The following KIF13B variants were observed in gnomAD, a reference collection of about 807,000 sequenced individuals.
KIF13B encodes kinesin-like protein KIF13B.
KIF13B carries 127 observed loss-of-function variants against 222.0 expected under a neutral mutation model. The ratio of observed to expected loss-of-function variants is 0.57; its 90% CI spans 0.50 to 0.66. KIF13B has a LOEUF of 0.66. KIF13B is among the 30% of genes least tolerant of loss of function. KIF13B has a pLI of 0.00. For synonymous variants in KIF13B, 976 were observed against 919.0 expected, an observed-to-expected ratio of 1.06 and a Z score of -1.12; for missense variants, 2,173 against 2,379.0, an observed-to-expected ratio of 0.91 and a Z score of 1.80.
chr8:29,153,826 G>C (rs557308812), intron 14 of KIF13B, among the ~76,000 whole-genome samples: 1 of 152,268 alleles, frequency 6.6e-6, no homozygotes, highest in South Asian at 2.1e-4. Context: ...TCCAAGCCCA[G>C]CTGGGTTTCT....
intron 12 of KIF13B, among the ~76,000 whole-genome samples, chr8:29,165,272 A>G (rs567130956): frequency 1.0e-3 from 155 of 152,300 alleles, no homozygotes; most frequent in African/African-American, 3.2e-3. Flanking sequence ...TCATGGCCTA[A>G]TATCTATTAG....
chr8:29,076,231 CT>C (rs577474292), intron 37 of KIF13B, among the ~76,000 whole-genome samples: 2 of 152,310 alleles, frequency 1.3e-5, no homozygotes, highest in South Asian at 4.1e-4. Flanking sequence ...ACTTCTGCCC[CT>C]CCCCCTCCCC....
chr8:29,116,398 G>A (rs548844210), intron 31 of KIF13B, among the ~76,000 whole-genome samples: 52 of 152,218 alleles, frequency 3.4e-4, no homozygotes, highest in African/African-American at 1.0e-3. Flanking sequence ...GAGCCCAGGA[G>A]ACGATGGCTG....
At chr8:29,150,579 C>T (rs1811253524) in intron 14 of KIF13B, among the ~76,000 whole-genome samples, 196 bp from the exon 15 acceptor site, 1 of 152,214 alleles carries the variant, frequency 6.6e-6, no homozygotes, top group South Asian at 2.1e-4. Flanking sequence ...AAAGCACAGG[C>T]ACATCTCATT....
At chr8:29,161,302 G>A (rs1811763758) in intron 12 of KIF13B, among the ~76,000 whole-genome samples, 1 of 152,146 alleles carries the variant, frequency 6.6e-6, no homozygotes, top group Admixed American at 6.5e-5. Context: ...CCTCAGTAAG[G>A]ATCACAAGGC....
At chr8:29,203,141 C>T (rs992317523) in intron 2 of KIF13B, among the ~76,000 whole-genome samples, 6 of 152,176 alleles carry the variant, frequency 3.9e-5, no homozygotes, top group African/African-American at 1.2e-4. Context: ...AGTGTTCTTC[C>T]TTTACGGGAA....
chr8:29,155,361 G>A (rs1050703345), intron 14 of KIF13B, among the ~76,000 whole-genome samples: 4 of 152,322 alleles, frequency 2.6e-5, no homozygotes, highest in African/African-American at 7.2e-5. Context: ...ACAGGAGTTA[G>A]CAGGTCAAAG....
chr8:29,071,748 A>G lies in KIF13B; in HGVS notation c.5090T>C (p.Val1697Ala), dbSNP rs1355703270. ...CTCGCCCTCTCGGAGCCACTCCGGGACCTCGTCAGCTTCCTCGGAATCAGA... is the reference window on the plus strand; with the variant it reads ...CTCGCCCTCTCGGAGCCACTCCGGGGCCTCGTCAGCTTCCTCGGAATCAGA... ...LASDSEEADE[V>A]PEWLREGEFV... Residue 1697 changes from valine (V) to alanine (A), a missense_variant, in exon 39 of 40, where the codon GTC becomes GCC. Val to Ala is a moderately conservative substitution (Grantham distance 64). This residue lies in a region of KIF13B where 693 missense variants were observed against 656.2 expected (regional missense o/e 1.06). Coordinates refer to ENST00000524189, the MANE Select transcript of KIF13B (RefSeq NM_015254.4). The surrounding 1 kb of genome is among the most constrained non-coding windows in gnomAD (Gnocchi z 4.9). 1.3e-6 allele frequency: 2 copies of G among 1,549,348 alleles called. No individual in the cohort carries two copies. The highest frequency in any genetic ancestry group is 2.4e-5 in the East Asian group (1 of 40,868).
chr8:29,140,132 G>A lies in KIF13B; in HGVS notation c.2544C>T (p.Ile848=), dbSNP rs376373479. ...MRLSGDVGER[I]AGGDEVAEVS... ...CCTCTGCCACCTCATCGCCTCCTGCGATCCTCTCCCCAACATCACCACTGA... is the reference window on the plus strand; with the variant it reads ...CCTCTGCCACCTCATCGCCTCCTGCAATCCTCTCCCCAACATCACCACTGA... Residue 848 remains isoleucine (I), a synonymous_variant, in exon 21 of 40, where the codon ATC becomes ATT. Coordinates refer to ENST00000524189, the MANE Select transcript of KIF13B (RefSeq NM_015254.4). 1.7e-4 allele frequency: 268 copies of A among 1,613,404 alleles called. No individual in the cohort carries two copies. Among genetic ancestry groups the A allele is most frequent in the African/African-American group, 2.5e-4 (19 of 75,002 alleles).
chr8:29,188,893 A>G (rs1477313011), intron 4 of KIF13B, among the ~76,000 whole-genome samples: 1 of 152,228 alleles, frequency 6.6e-6, no homozygotes. Flanking sequence ...ATCAATGATT[A>G]TAAATATCTG....
At chr8:29,212,355 C>T (rs1206040224) in intron 2 of KIF13B, among the ~76,000 whole-genome samples, 1 of 152,220 alleles carries the variant, frequency 6.6e-6, no homozygotes, top group Non-Finnish European at 1.5e-5. Context: ...TCTTCACCAA[C>T]ACCCAGTGCA....
rs1207905804 is a variant in KIF13B at position 29,146,239 on chromosome 8, C to G, written c.2187+139G>C. 4.9e-6 allele frequency: 4 copies of G among 821,026 alleles called. No individual in the cohort carries two copies. In the East Asian group the frequency reaches 1.0e-4, roughly 21 times the overall value. 50.9% of individuals were successfully genotyped at this position (821,026 alleles called of 1,614,324 possible). On this transcript the variant is annotated intron_variant, in intron 18 of 39. Transcript: ENST00000524189. ...TAGAGAATGGAAAAGGAAGTCAATT[C>G]TACCCAAAAGCATGGAGGACAAAGG...
At chr8:29,131,902 T>C (rs1407539793) in intron 23 of KIF13B, among the ~76,000 whole-genome samples, 2 of 152,156 alleles carry the variant, frequency 1.3e-5, no homozygotes, top group African/African-American at 4.8e-5. Context: ...GCTCAGAAAA[T>C]AGTAACCTCT....
intron 17 of KIF13B, among the ~76,000 whole-genome samples, chr8:29,147,142 C>T (rs1811092403): frequency 6.6e-6 from 1 of 152,176 alleles, no homozygotes; most frequent in South Asian, 2.1e-4. Flanking sequence ...ACTTCTATAT[C>T]CAAATCCAAA....
chr8:29,085,563 G>T (rs1374829199), intron 37 of KIF13B, among the ~76,000 whole-genome samples: 1 of 151,416 alleles, frequency 6.6e-6, no homozygotes, highest in African/African-American at 2.4e-5. Flanking sequence ...TAGAGACAGG[G>T]GTCTTGTTAT....
At chr8:29,211,227 A>G (rs1483775798) in intron 2 of KIF13B, among the ~76,000 whole-genome samples, 1 of 152,256 alleles carries the variant, frequency 6.6e-6, no homozygotes, top group African/African-American at 2.4e-5. Context: ...CATGGGCATC[A>G]GACAAGGCAT....
intron 4 of KIF13B, chr8:29,189,312 A>T (rs1160585081): frequency 6.6e-6 from 1 of 150,864 alleles, no homozygotes; most frequent in African/African-American, 2.4e-5. Context: ...ATACCAGTTA[A>T]CTTATACTTC....
At chr8:29,228,472 A>AAAAAAAAAAAAAAATATATATATATAT in intron 2 of KIF13B, among the ~76,000 whole-genome samples, 19 of 117,074 alleles carry the variant, frequency 1.6e-4, no homozygotes, top group South Asian at 5.7e-4. Context: ...ATCTTAAAAA[A>AAAAAAAAAAAAAAATATATATATATAT]ATATATATAT....
In KIF13B at chr8:29,070,716, C is replaced by T. The variant is rs1195346670; in HGVS notation, c.5269G>A (p.Gly1757Ser). 2 of 1,563,146 alleles carry T rather than the reference C, an allele frequency of 1.3e-6. No homozygotes were observed. The highest frequency in any genetic ancestry group is 1.9e-5 in the Admixed American group (1 of 52,646). The change falls in exon 40 of 40, where the codon GGC (glycine) becomes AGC (serine). Residue 1757 changes from glycine (G) to serine (S), a missense_variant. Physicochemically the swap from Gly to Ser is moderately conservative, Grantham distance 56 (BLOSUM62 0). Transcript: ENST00000524189. This position sits in a 1 kb window ranked among gnomAD's most constrained non-coding sequence, Gnocchi z 4.1. ...GGKQYFRCNP[G>S]YGLLVRPSRV... The stretch of plus-strand genomic sequence containing the variant: ...CTGGGCCTGACCAGCAGCCCGTAGC[C>T]AGGGTTACACCTGAAGTACTGCTTC...
Sources: gnomAD v4.1 joint callset for allele counts (sites outside exome capture counted in the v4.1 genomes callset) on GRCh38, gnomAD v4.1.1 for gene constraint, gnomAD v4.1.1 regional missense constraint, Gnocchi (gnomAD v3.1) non-coding constraint, MANE v1.5 for transcripts, NCBI Gene and HGNC (gene_info 2026-07-23, HGNC 2026-07-21) for gene names.